The following TMEM132C variants were observed in gnomAD, a reference collection of about 807,000 sequenced individuals.
The protein encoded by TMEM132C is protein phosphatase 1, regulatory subunit 152.
A neutral mutation model predicts 61.4 loss-of-function variants in TMEM132C; 29 were observed. The ratio of observed to expected loss-of-function variants is 0.47; its 90% CI spans 0.35 to 0.64. The LOEUF (loss-of-function observed/expected upper bound fraction) is 0.64. Among genes scored for constraint, TMEM132C ranks in the 30% least tolerant of loss-of-function variants. TMEM132C has a pLI of 0.00. For synonymous variants in TMEM132C, 656 were observed against 633.1 expected (o/e 1.04, Z -0.54); for missense variants, 1,408 against 1,476.9 (o/e 0.95, Z 0.76).
intron 1 of TMEM132C, among the ~76,000 whole-genome samples, chr12:128,329,332 C>T (rs1194951899): frequency 6.6e-6 from 1 of 151,804 alleles, no homozygotes; most frequent in African/African-American, 2.4e-5. Context: ...TAAACTCTGT[C>T]CGGGAGTGGG....
At chr12:128,685,806 A>G (rs1954669223) in intron 5 of TMEM132C, among the ~76,000 whole-genome samples, 1 of 152,220 alleles carries the variant, frequency 6.6e-6, no homozygotes, top group Non-Finnish European at 1.5e-5. Context: ...ATCACGGGCA[A>G]GGTACATCAC....
At chr12:128,459,610 G>C (rs1870462659) in intron 2 of TMEM132C, among the ~76,000 whole-genome samples, 1 of 151,942 alleles carries the variant, frequency 6.6e-6, no homozygotes, top group Non-Finnish European at 1.5e-5. Context: ...TGCTCTCTTG[G>C]GCCAGGCGCG....
intron 3 of TMEM132C, among the ~76,000 whole-genome samples, chr12:128,596,254 A>G (rs577408601): frequency 0.012 from 1,017 of 85,546 alleles, 8 homozygotes; most frequent in African/African-American, 0.038. Context: ...CACTGATCCC[A>G]TGTTCTGTCC....
chr12:128,670,035 T>A (rs1346818553), intron 5 of TMEM132C, among the ~76,000 whole-genome samples: 1 of 152,206 alleles, frequency 6.6e-6, no homozygotes, highest in Non-Finnish European at 1.5e-5. Context: ...ATCTACTCTC[T>A]TAGCAATTTT....
chr12:128,655,019 G>T (rs1954310275), intron 4 of TMEM132C, among the ~76,000 whole-genome samples: 1 of 152,188 alleles, frequency 6.6e-6, no homozygotes. Flanking sequence ...GAAATGAGGG[G>T]AATTGTTAGT....
At chr12:128,443,393 A>T (rs946675068) in intron 2 of TMEM132C, among the ~76,000 whole-genome samples, 1 of 152,128 alleles carries the variant, frequency 6.6e-6, no homozygotes, top group African/African-American at 2.4e-5. Flanking sequence ...GAAACCAAAA[A>T]CCACCAGTAC....
intron 2 of TMEM132C, among the ~76,000 whole-genome samples, chr12:128,510,650 A>G (rs747651952): frequency 1.4e-4 from 22 of 152,184 alleles, no homozygotes; most frequent in Non-Finnish European, 2.1e-4. Flanking sequence ...CTTCCATCAG[A>G]TGGACATGAA....
Position 128,326,539 on chromosome 12 carries a change from C to T in TMEM132C, c.85+59052C>T, listed in dbSNP as rs1194769867. The stretch of plus-strand genomic sequence containing the variant: ...CTGAGCCTAGTGTGAGGTGGAGCAG[C>T]CCAGGCTTCCACAATATCTAGAATT... On this transcript the variant is annotated intron_variant, in intron 1 of 8. Coordinates refer to ENST00000435159, the MANE Select transcript of TMEM132C (RefSeq NM_001136103.3). The surrounding 1 kb of genome is among the most constrained non-coding windows in gnomAD (Gnocchi z 5.6). Among the ~76,000 whole-genome samples the T allele has an allele frequency of 6.6e-6, 1 of 152,184 alleles. No individual in the cohort carries two copies. The highest frequency in any genetic ancestry group is 2.4e-5 in the African/African-American group (1 of 41,446).
At chr12:128,607,359 C>T (rs1046149456) in intron 3 of TMEM132C, among the ~76,000 whole-genome samples, 1 of 152,086 alleles carries the variant, frequency 6.6e-6, no homozygotes, top group Non-Finnish European at 1.5e-5. Context: ...CAGCTTAAGC[C>T]AAGTGAGATG....
chr12:128,547,590 T>C (rs1204491958), intron 3 of TMEM132C, among the ~76,000 whole-genome samples: 2 of 149,156 alleles, frequency 1.3e-5, no homozygotes, highest in Non-Finnish European at 3.0e-5. Flanking sequence ...AAAAGAAATA[T>C]CTCATTGTGA....
intron 2 of TMEM132C, among the ~76,000 whole-genome samples, chr12:128,468,574 C>G (rs1870822923): frequency 6.6e-6 from 1 of 152,090 alleles, no homozygotes; most frequent in South Asian, 2.1e-4. Context: ...CCGCCTCGGC[C>G]TCCCAAAGTG....
chr12:128,532,140 G>GGA (rs1873334845), intron 2 of TMEM132C, among the ~76,000 whole-genome samples: 1 of 152,180 alleles, frequency 6.6e-6, no homozygotes, highest in South Asian at 2.1e-4. Flanking sequence ...GCTAGCAGCA[G>GGA]GAGATGTTCT....
At chr12:128,423,380 A>G (rs1038643227) in intron 2 of TMEM132C, among the ~76,000 whole-genome samples, 4 of 152,214 alleles carry the variant, frequency 2.6e-5, no homozygotes, top group African/African-American at 9.6e-5. Flanking sequence ...AGCCAACACC[A>G]TGCTGCATGT....
chr12:128,288,672 G>C (rs1871152981), intron 1 of TMEM132C: 1 of 152,162 alleles, frequency 6.6e-6, no homozygotes, highest in Non-Finnish European at 1.5e-5. Context: ...GGGACAACAG[G>C]GGCCCCATGT....
At chr12:128,480,190 T>A (rs910567629) in intron 2 of TMEM132C, among the ~76,000 whole-genome samples, 2 of 151,870 alleles carry the variant, frequency 1.3e-5, no homozygotes, top group Non-Finnish European at 2.9e-5. Context: ...AGGCCAGGAG[T>A]TCAAGGCTGC....
At chr12:128,333,258 G>A (rs1458204052) in intron 1 of TMEM132C, among the ~76,000 whole-genome samples, 2 of 151,650 alleles carry the variant, frequency 1.3e-5, no homozygotes, top group South Asian at 4.2e-4. Flanking sequence ...TATGCGTGTT[G>A]CATGTGTTGT....
At chr12:128,530,698 C>T (rs745934354) in intron 2 of TMEM132C, among the ~76,000 whole-genome samples, 5 of 152,204 alleles carry the variant, frequency 3.3e-5, no homozygotes, top group Admixed American at 2.6e-4. Context: ...CCGCCTTGGC[C>T]TCCCAAAGTG....
At chr12:128,297,360 G>T (rs1871445559) in intron 1 of TMEM132C, among the ~76,000 whole-genome samples, 1 of 152,164 alleles carries the variant, frequency 6.6e-6, no homozygotes, top group Non-Finnish European at 1.5e-5. Flanking sequence ...AACTCAGAAG[G>T]GGTTTAGTGT....
At chr12:128,696,297 T>G (rs1048894382) in intron 7 of TMEM132C, among the ~76,000 whole-genome samples, 194 bp downstream of exon 7, 1 of 152,118 alleles carries the variant, frequency 6.6e-6, no homozygotes, top group Non-Finnish European at 1.5e-5. Flanking sequence ...AGCTGCACCC[T>G]CTTAGCTCCC....
Sources: gnomAD v4.1 joint callset for allele counts (sites outside exome capture counted in the v4.1 genomes callset) on GRCh38, gnomAD v4.1.1 for gene constraint, Gnocchi (gnomAD v3.1) non-coding constraint, MANE v1.5 for transcripts, NCBI Gene and HGNC (gene_info 2026-07-23, HGNC 2026-07-21) for gene names.